THSD4: variants seen among roughly 807,000 people sequenced by gnomAD.
THSD4 encodes thrombospondin type-1 domain-containing protein 4.
THSD4 carries 69 observed loss-of-function variants against 119.0 expected under a neutral mutation model. The observed-to-expected ratio is 0.58, with a 90% CI of 0.48 to 0.71. The LOEUF is 0.71. Ranked by LOEUF, THSD4 falls within the 30% of genes least tolerant of loss-of-function variation. The pLI is 0.00. For missense variants in THSD4, 1,393 were observed against 1,391.1 expected, an observed-to-expected ratio of 1.00 and a Z score of -0.02; for synonymous variants, 524 against 540.4, an observed-to-expected ratio of 0.97 and a Z score of 0.42.
intron 7 of THSD4, among the ~76,000 whole-genome samples, chr15:71,560,630 A>G (rs1595885507): frequency 6.6e-6 from 1 of 152,262 alleles, no homozygotes; most frequent in African/African-American, 2.4e-5. Flanking sequence ...TGTACTTTCC[A>G]TTTGTGTTAT....
intron 7 of THSD4, among the ~76,000 whole-genome samples, chr15:71,551,086 A>G (rs118118890): frequency 2.5e-3 from 383 of 152,318 alleles, no homozygotes; most frequent in Non-Finnish European, 4.6e-3. Context: ...CTACTGTCCT[A>G]GTGATAAGGC....
chr15:71,607,530 T>C (rs1010715425), intron 7 of THSD4, among the ~76,000 whole-genome samples: 1 of 152,166 alleles, frequency 6.6e-6, no homozygotes, highest in Non-Finnish European at 1.5e-5. Flanking sequence ...CAGACGTGTG[T>C]GGTCATCACA....
At chr15:71,456,589 G>T (rs2140598371) in intron 7 of THSD4, among the ~76,000 whole-genome samples, 1 of 152,218 alleles carries the variant, frequency 6.6e-6, no homozygotes, top group African/African-American at 2.4e-5. Flanking sequence ...ATACTTGGTG[G>T]GTGGCTGAGT....
intron 9 of THSD4, chr15:71,729,109 A>G (rs2052923859): frequency 1.6e-5 from 4 of 247,282 alleles, no homozygotes; most frequent in African/African-American, 6.7e-5. Flanking sequence ...GCAAGAGCCT[A>G]AAGGAAGGCA....
chr15:71,652,843 A>G (rs906787146), intron 7 of THSD4, among the ~76,000 whole-genome samples: 4 of 152,208 alleles, frequency 2.6e-5, no homozygotes, highest in Admixed American at 6.5e-5. Context: ...AAGCCAAAAT[A>G]CCTTTTATGC....
rs546413954 is a variant in THSD4 at position 71,547,285 on chromosome 15, G to A, written c.1153-113245G>A. The A allele has an allele frequency of 2.5e-4, 364 of 1,484,342 alleles. 3 individuals are homozygous for A. The African/African-American group carries it at 4.7e-3, about 19-fold the overall frequency. 91.9% of individuals were successfully genotyped at this position (1,484,342 alleles called of 1,614,324 possible). On this transcript the variant is annotated intron_variant, in intron 7 of 17. Coordinates refer to ENST00000261862, the MANE Select transcript of THSD4 (RefSeq NM_024817.3). ...CCGGGCAGTACAGTGAGGGAGAGCC[G>A]AGGGAACCAGCGCGGTGCCTAGCGG... is the stretch of plus-strand genomic sequence containing the variant.
At chr15:71,441,477 TG>T (rs1259402893) in intron 7 of THSD4, among the ~76,000 whole-genome samples, 2 of 88,330 alleles carry the variant, frequency 2.3e-5, no homozygotes, top group South Asian at 5.0e-4. Context: ...ATCTGCCCCC[TG>T]GGGTTTTTTT....
intron 3 of THSD4, among the ~76,000 whole-genome samples, chr15:71,170,027 A>G (rs983271776): frequency 6.6e-6 from 1 of 152,180 alleles, no homozygotes; most frequent in Non-Finnish European, 1.5e-5. Flanking sequence ...TACAAACGTT[A>G]GCCAGGCATG....
chr15:71,744,183 A>T (rs567977485), intron 11 of THSD4, among the ~76,000 whole-genome samples: 6 of 146,326 alleles, frequency 4.1e-5, no homozygotes, highest in African/African-American at 1.5e-4. Flanking sequence ...ATTGACACCT[A>T]GACATTCCAT....
chr15:71,476,894 A>G (rs979677230), intron 7 of THSD4, among the ~76,000 whole-genome samples: 2 of 152,256 alleles, frequency 1.3e-5, no homozygotes, highest in South Asian at 2.1e-4. Context: ...CTGCCTCATC[A>G]GTTATCTGGG....
Position 71,681,602 on chromosome 15 carries a change from G to C in THSD4, c.1357+20868G>C, listed in dbSNP as rs190557359. 2.7e-3 allele frequency among the ~76,000 whole-genome samples: 417 copies of C among 152,004 alleles called. 2 individuals carry two copies. Among genetic ancestry groups the C allele is most frequent in the African/African-American group, 9.5e-3 (393 of 41,438 alleles). On this transcript the variant is annotated intron_variant, in intron 8 of 17. Coordinates refer to ENST00000261862, the MANE Select transcript of THSD4 (RefSeq NM_024817.3). ...GGGCGGCAGAATCGATTGAACCGGGGGGGTGGAGGTTGCAGTGAGCCAAGA... is the reference window on the plus strand; with the variant it reads ...GGGCGGCAGAATCGATTGAACCGGGCGGGTGGAGGTTGCAGTGAGCCAAGA...
At chr15:71,195,975 C>G (rs1035766117) in intron 3 of THSD4, among the ~76,000 whole-genome samples, 11 of 152,174 alleles carry the variant, frequency 7.2e-5, no homozygotes, top group African/African-American at 2.7e-4. Flanking sequence ...ATGCCTGAGA[C>G]TGGGTAGTTT....
intron 6 of THSD4, among the ~76,000 whole-genome samples, chr15:71,398,061 C>T (rs534882009): frequency 6.6e-6 from 1 of 152,232 alleles, no homozygotes; most frequent in Non-Finnish European, 1.5e-5. Flanking sequence ...TGGGGTCTTT[C>T]CAGCTGTGAT....
In THSD4 at chr15:71,242,637, ATC is replaced by A; in HGVS notation, c.465-6_465-5del. 6.2e-7 allele frequency: 1 copy of A among 1,609,380 alleles called. No homozygotes were observed. Among genetic ancestry groups the A allele is most frequent in the African/African-American group, 1.3e-5 (1 of 74,904 alleles). ...ACTCTGATCATCTCCTCTCTTGTCT[ATC>A]TCTCTTTAGGAGCAGGACCCGTGGT... On this transcript the variant is annotated splice_polypyrimidine_tract_variant and intron_variant, in intron 4 of 17. Coordinates refer to ENST00000261862, the MANE Select transcript of THSD4 (RefSeq NM_024817.3).
At chr15:71,231,401 C>A (rs1267998547) in intron 4 of THSD4, among the ~76,000 whole-genome samples, 2 of 152,160 alleles carry the variant, frequency 1.3e-5, no homozygotes, top group Non-Finnish European at 2.9e-5. Flanking sequence ...CTTCTAGAGG[C>A]TTGGCTTCCT....
In THSD4 at chr15:71,459,160, C is replaced by CTTTTTTTTTTTTTTTTTT. The variant is rs372209662; in HGVS notation, c.1152+47338_1152+47355dup. 5.8e-4 allele frequency among the ~76,000 whole-genome samples: 75 copies of CTTTTTTTTTTTTTTTTTT among 128,874 alleles called. 1 individual carries two copies. Among genetic ancestry groups the CTTTTTTTTTTTTTTTTTT allele is most frequent in the South Asian group, 1.6e-3 (6 of 3,650 alleles). 84.5% of individuals were successfully genotyped at this position (128,874 alleles called of 152,430 possible). A position where few individuals can be genotyped will look rare whatever the true frequency, so the allele number is the denominator to read the frequency against. ...CTTTTCTTTTTCATTTTCTTTTTTT[C>CTTTTTTTTTTTTTTTTTT]TTTTTTTTTTTTTTTTTTGACAGAG... On this transcript the variant is annotated intron_variant, in intron 7 of 17. Coordinates refer to ENST00000261862, the MANE Select transcript of THSD4 (RefSeq NM_024817.3).
intron 6 of THSD4, among the ~76,000 whole-genome samples, chr15:71,285,840 CGA>C (rs1370027994): frequency 9.4e-6 from 1 of 105,962 alleles, no homozygotes; most frequent in Non-Finnish European, 1.7e-5. Flanking sequence ...GGTGACAGAG[CGA>C]GACTCCGTCT....
chr15:71,431,343 CAA>C lies in THSD4; in HGVS notation c.1152+19522_1152+19523del, dbSNP rs1214541246. On this transcript the variant is annotated intron_variant, in intron 7 of 17. Coordinates refer to ENST00000261862, the MANE Select transcript of THSD4 (RefSeq NM_024817.3). The stretch of plus-strand genomic sequence containing the variant: ...TTTATACAGTCCAACTGGATAATCT[CAA>C]AGTCATTAGCAGAGGTCTATATTTC... Among the ~76,000 whole-genome samples, 6 of 152,274 alleles carry C rather than the reference CAA, an allele frequency of 3.9e-5. No individual in the cohort carries two copies. The South Asian group carries it at 6.2e-4, about 16-fold the overall frequency.
intron 7 of THSD4, among the ~76,000 whole-genome samples, chr15:71,509,321 C>T (rs1467931527): frequency 6.6e-6 from 1 of 152,186 alleles, no homozygotes; most frequent in African/African-American, 2.4e-5. Flanking sequence ...TCTGCATTGC[C>T]CCTGTGGACT....
Sources: allele counts gnomAD v4.1 joint callset (sites outside exome capture counted in the v4.1 genomes callset), GRCh38; gene constraint gnomAD v4.1.1; transcripts MANE v1.5; gene names NCBI Gene and HGNC (gene_info 2026-07-23, HGNC 2026-07-21).